ELAVL3: variants seen among roughly 807,000 people sequenced by gnomAD.
ELAVL3 encodes ELAV like RNA binding protein 3.
Under a neutral mutation model 34.2 loss-of-function variants are expected in ELAVL3, and 8 were observed. The ratio of observed to expected loss-of-function variants is 0.23; its 90% CI spans 0.14 to 0.42. The LOEUF is 0.42. ELAVL3 is among the 10% of genes least tolerant of loss of function. ELAVL3 has a pLI of 1.00. For synonymous variants in ELAVL3, 209 were observed against 222.1 expected, an observed-to-expected ratio of 0.94 and a Z score of 0.53; for missense variants, 273 against 518.8, an observed-to-expected ratio of 0.53 and a Z score of 4.60.
intron 1 of ELAVL3, among the ~76,000 whole-genome samples, chr19:11,479,579 G>C (rs1443841651): frequency 2.0e-5 from 3 of 151,714 alleles, no homozygotes; most frequent in Non-Finnish European, 4.4e-5. Context: ...GGCCAGCCCC[G>C]CCCCCGGGAT....
intron 1 of ELAVL3, among the ~76,000 whole-genome samples, chr19:11,473,221 C>T (rs1406990139): frequency 3.3e-5 from 5 of 151,898 alleles, no homozygotes; most frequent in South Asian, 2.1e-4. Flanking sequence ...AAAAATTAGC[C>T]GGGCATGGTG....
chr19:11,465,873 G>C (rs1364727436), intron 3 of ELAVL3, among the ~76,000 whole-genome samples: 1 of 152,128 alleles, frequency 6.6e-6, no homozygotes, highest in Non-Finnish European at 1.5e-5. Flanking sequence ...GCAGGGAGGG[G>C]ACTGCTCACA....
At chr19:11,467,735 C>T (rs1971083720) in intron 1 of ELAVL3, among the ~76,000 whole-genome samples, 1 of 151,918 alleles carries the variant, frequency 6.6e-6, no homozygotes, top group South Asian at 2.1e-4. Flanking sequence ...CCACCCACCT[C>T]CGCCTCCCAA....
chr19:11,452,546 TTC>T lies in ELAVL3; in HGVS notation c.*1978_*1979del, dbSNP rs1393860013. The stretch of plus-strand genomic sequence containing the variant: ...CTTTTTTTGTTGCTTTTTTTTCCTC[TTC>T]TGTTTGTGTTTTTTTGTCGCTTTTT... On this transcript the variant is annotated 3_prime_UTR_variant, in exon 7 of 7. Transcript: ENST00000359227. 1 of 151,880 alleles carries T rather than the reference TTC, an allele frequency of 6.6e-6. No homozygotes were observed. Among genetic ancestry groups the T allele is most frequent in the Non-Finnish European group, 1.5e-5 (1 of 68,008 alleles). 9.4% of individuals were successfully genotyped at this position (151,880 alleles called of 1,614,324 possible).
chr19:11,463,610 C>A (rs939731728), intron 3 of ELAVL3, among the ~76,000 whole-genome samples: 1 of 152,122 alleles, frequency 6.6e-6, no homozygotes, highest in African/African-American at 2.4e-5. Flanking sequence ...CAGAGCCAGA[C>A]GCATCCCTGA....
chr19:11,465,686 G>C (rs1389423954), intron 3 of ELAVL3, among the ~76,000 whole-genome samples: 2 of 152,058 alleles, frequency 1.3e-5, no homozygotes, highest in Non-Finnish European at 2.9e-5. Flanking sequence ...TTTCCATGAC[G>C]ATTCCCCCCC....
intron 3 of ELAVL3, among the ~76,000 whole-genome samples, chr19:11,464,701 C>CAA (rs1970979361): frequency 7.3e-6 from 1 of 136,406 alleles, no homozygotes; most frequent in Non-Finnish European, 1.6e-5. Flanking sequence ...CACACATACA[C>CAA]CACACACACC....
intron 3 of ELAVL3, among the ~76,000 whole-genome samples, chr19:11,464,999 C>T (rs1166041605): frequency 3.2e-5 from 4 of 126,382 alleles, no homozygotes; most frequent in Non-Finnish European, 5.0e-5. Context: ...ACACCACACA[C>T]CACACACACA....
chr19:11,454,775 G>A lies in ELAVL3; in HGVS notation c.855C>T (p.Cys285=). 1 of 1,613,242 alleles carries A rather than the reference G, an allele frequency of 6.2e-7. No individual in the cohort carries two copies. Among genetic ancestry groups the A allele is most frequent in the Non-Finnish European group, 8.5e-7 (1 of 1,179,848 alleles). The stretch of plus-strand genomic sequence containing the variant: ...CCGGTGACAGGTTGTACACGAAGAT[G>A]CACCAGCCGGCGCCCGCCGCGCCCC... ...LSGGAAGAGW[C]IFVYNLSPEA... The change falls in exon 7 of 7, where the codon TGC becomes TGT. Residue 285 remains cysteine, a synonymous_variant. Transcript: ENST00000359227. This position sits in a 1 kb window ranked among gnomAD's most constrained non-coding sequence, Gnocchi z 9.2.
intron 1 of ELAVL3, among the ~76,000 whole-genome samples, chr19:11,471,659 G>A (rs1341307917): frequency 2.6e-5 from 4 of 151,440 alleles, no homozygotes; most frequent in South Asian, 4.2e-4. Flanking sequence ...TCACTATGTC[G>A]CCCAGGCTGG....
intron 1 of ELAVL3, among the ~76,000 whole-genome samples, chr19:11,475,367 G>A (rs891895506): frequency 6.6e-6 from 1 of 152,108 alleles, no homozygotes; most frequent in East Asian, 1.9e-4. Flanking sequence ...GCCTTGTCTC[G>A]CTATGTTGCC....
intron 1 of ELAVL3, among the ~76,000 whole-genome samples, chr19:11,468,728 T>TAATTGATTTTCTAA: frequency 6.6e-6 from 1 of 152,118 alleles, no homozygotes; most frequent in South Asian, 2.1e-4. Context: ...GCCCGGCCCT[T>TAATTGATTTTCTAA]TATTCCTGCT....
At chr19:11,465,278 TACAC>T (rs139323842) in intron 3 of ELAVL3, among the ~76,000 whole-genome samples, 12 of 91,708 alleles carry the variant, frequency 1.3e-4, no homozygotes, top group South Asian at 7.2e-4. Context: ...ACCACACACA[TACAC>T]ACACACACAC....
In ELAVL3 at chr19:11,454,445, C is replaced by T; in HGVS notation, c.*81G>A. 2.3e-6 allele frequency: 3 copies of T among 1,325,878 alleles called. No homozygotes were observed. The highest frequency in any genetic ancestry group is 3.0e-6 in the Non-Finnish European group (3 of 989,022). 82.1% of individuals were successfully genotyped at this position (1,325,878 alleles called of 1,614,324 possible). The stretch of plus-strand genomic sequence containing the variant: ...GGCTGCCTGTGCTGTCTCTCTTGGG[C>T]CCCTTCTCTCTCTCTCTCTCTCTTT... On this transcript the variant is annotated 3_prime_UTR_variant, in exon 7 of 7. Transcript: ENST00000359227. This position sits in a 1 kb window ranked among gnomAD's most constrained non-coding sequence, Gnocchi z 9.2.
chr19:11,468,025 G>C (rs1277720129), intron 1 of ELAVL3, among the ~76,000 whole-genome samples: 1 of 152,136 alleles, frequency 6.6e-6, no homozygotes, highest in African/African-American at 2.4e-5. Context: ...CTTGGGCTCT[G>C]GTGATCCTCC....
intron 1 of ELAVL3, among the ~76,000 whole-genome samples, chr19:11,474,003 C>T (rs17638167): frequency 0.044 from 6,627 of 152,242 alleles, 205 homozygotes; most frequent in Admixed American, 0.084. Context: ...TTGTCACATC[C>T]ATCATCCGTA....
intron 1 of ELAVL3, among the ~76,000 whole-genome samples, chr19:11,479,098 T>A (rs1248862675): frequency 6.6e-6 from 1 of 152,156 alleles, no homozygotes; most frequent in African/African-American, 2.4e-5. Context: ...TTTCCCTTTG[T>A]GCATTAGTTT....
intron 1 of ELAVL3, among the ~76,000 whole-genome samples, chr19:11,469,296 G>A (rs555593342): frequency 1.3e-5 from 2 of 151,554 alleles, no homozygotes; most frequent in South Asian, 4.2e-4. Flanking sequence ...TGCGCGGGAG[G>A]GGGGACGGAG....
At chr19:11,459,551 G>A (rs949629422) in intron 3 of ELAVL3, among the ~76,000 whole-genome samples, 13 of 151,560 alleles carry the variant, frequency 8.6e-5, no homozygotes, top group Non-Finnish European at 1.6e-4. Context: ...ACAGGTGTGA[G>A]CCACCTCCCC....
Sources: gnomAD v4.1 joint callset for allele counts (sites outside exome capture counted in the v4.1 genomes callset) on GRCh38, gnomAD v4.1.1 for gene constraint, Gnocchi (gnomAD v3.1) non-coding constraint, MANE v1.5 for transcripts, NCBI Gene and HGNC (gene_info 2026-07-23, HGNC 2026-07-21) for gene names.